COL26A1: variants seen among roughly 807,000 people sequenced by gnomAD.
The protein encoded by COL26A1 is collagen type XXVI alpha 1 chain.
Under a neutral mutation model 59.3 loss-of-function variants are expected in COL26A1, and 41 were observed. The ratio of observed to expected loss-of-function variants is 0.69; its 90% CI spans 0.54 to 0.90. COL26A1 has a LOEUF of 0.90. Ranked by LOEUF, COL26A1 falls within the 40% of genes least tolerant of loss-of-function variation. The pLI is 0.00. For synonymous variants in COL26A1, 266 were observed against 256.0 expected, an observed-to-expected ratio of 1.04 and a Z score of -0.37; for missense variants, 612 against 602.3, an observed-to-expected ratio of 1.02 and a Z score of -0.17.
chr7:101,489,792 T>TG lies in COL26A1; in HGVS notation c.385+42005_385+42006insG, dbSNP rs1392623756. 1.9e-3 allele frequency among the ~76,000 whole-genome samples: 4 copies of TG among 2,056 alleles called. 1 individual carries two copies. Among genetic ancestry groups the TG allele is most frequent in the Admixed American group, 6.0e-3 (1 of 166 alleles). The allele number at this position is 2,056 out of a possible 152,430, so 1.3% of individuals were successfully genotyped here. A position where few individuals can be genotyped will look rare whatever the true frequency, so the allele number is the denominator to read the frequency against. On this transcript the variant is annotated intron_variant, in intron 3 of 12. Transcript: ENST00000313669. ...TTTCTTTCTTTCTTTCTTTCTTTCTTTCTTTCTTTCTTTCTTTCTTTCTTT... is the reference window on the plus strand; with the variant it reads ...TTTCTTTCTTTCTTTCTTTCTTTCTTGTCTTTCTTTCTTTCTTTCTTTCTTT...
Position 101,471,571 on chromosome 7 carries a change from G to GTT in COL26A1, c.385+23809_385+23810dup, listed in dbSNP as rs71517177. On this transcript the variant is annotated intron_variant, in intron 3 of 12. Coordinates refer to ENST00000313669, the MANE Select transcript of COL26A1 (RefSeq NM_001278563.3). ...TGTTTTGTTGTTGTTGTTGTTGTTTGTTTTTTTTTTTTTTTTTTTTTTTTT... is the reference window on the plus strand; with the variant it reads ...TGTTTTGTTGTTGTTGTTGTTGTTTGTTTTTTTTTTTTTTTTTTTTTTTTTTT... 2.5e-3 allele frequency among the ~76,000 whole-genome samples: 231 copies of GTT among 92,992 alleles called. 24 individuals are homozygous for GTT. The highest frequency in any genetic ancestry group is 7.3e-3 in the African/African-American group (186 of 25,636). 61.0% of individuals were successfully genotyped at this position (92,992 alleles called of 152,430 possible). A position where few individuals can be genotyped will look rare whatever the true frequency, so the allele number is the denominator to read the frequency against.
intron 3 of COL26A1, among the ~76,000 whole-genome samples, chr7:101,495,215 T>G (rs569828034): frequency 1.6e-4 from 24 of 152,278 alleles, no homozygotes; most frequent in African/African-American, 5.8e-4. Context: ...TAGAGCTTTA[T>G]CTGCCTGAGG....
At chr7:101,366,496 TTTTTTTTTTTTTTTTTTTTTTA>T (rs1251137248) in intron 1 of COL26A1, among the ~76,000 whole-genome samples, 1,879 of 55,798 alleles carry the variant, frequency 0.034, 86 homozygotes, top group East Asian at 0.16. Flanking sequence ...TTTTTTTTTT[TTTTTTTTTTTTTTTTTTTTTTA>T]AAGACAGGGT....
intron 8 of COL26A1, among the ~76,000 whole-genome samples, chr7:101,547,792 CATTT>C (rs931542671): frequency 4.2e-4 from 61 of 145,314 alleles, no homozygotes; most frequent in African/African-American, 1.7e-3. Flanking sequence ...TTCATTCATT[CATTT>C]GTCCATTCAT....
chr7:101,463,869 TTTTCTTTC>T (rs566945352), intron 3 of COL26A1, among the ~76,000 whole-genome samples: 122 of 91,732 alleles, frequency 1.3e-3, no homozygotes, highest in Non-Finnish European at 1.8e-3. Flanking sequence ...CTCTTTTTTC[TTTTCTTTC>T]TTTCTTTCTT....
At chr7:101,460,845 G>A (rs1433908664) in intron 3 of COL26A1, among the ~76,000 whole-genome samples, 1 of 151,762 alleles carries the variant, frequency 6.6e-6, no homozygotes, top group Non-Finnish European at 1.5e-5. Flanking sequence ...TTCTTTTGCT[G>A]TTGGCTTTTC....
intron 3 of COL26A1, among the ~76,000 whole-genome samples, chr7:101,450,041 T>C (rs1267754147): frequency 1.3e-5 from 2 of 151,386 alleles, no homozygotes; most frequent in African/African-American, 4.9e-5. Flanking sequence ...GAAGAATCGC[T>C]TGAACCCAGG....
At chr7:101,487,034 C>T (rs936064463) in intron 3 of COL26A1, among the ~76,000 whole-genome samples, 2 of 152,016 alleles carry the variant, frequency 1.3e-5, no homozygotes, top group African/African-American at 2.4e-5. Context: ...TCCAGGCAGG[C>T]GTGGGAGGAG....
intron 6 of COL26A1, among the ~76,000 whole-genome samples, chr7:101,544,834 A>G (rs2130665565): frequency 6.6e-6 from 1 of 152,254 alleles, no homozygotes; most frequent in Admixed American, 6.5e-5. Flanking sequence ...CACCTGGCCA[A>G]AACAGGGTCT....
rs919895553 is a variant in COL26A1, at chr7:101,468,731, C to A, written c.385+20944C>A. ...GTGTCTTGAACATGTGCTGGGGAAA[C>A]TGTGGGAGGAGGGAGGGGGAGACGC... On this transcript the variant is annotated intron_variant, in intron 3 of 12. Transcript: ENST00000313669. Among the ~76,000 whole-genome samples the A allele has an allele frequency of 3.9e-5, 6 of 152,312 alleles. No homozygotes were observed. The East Asian group carries it at 1.2e-3, about 29-fold the overall frequency.
chr7:101,397,222 T>A (rs1398991199), intron 1 of COL26A1, among the ~76,000 whole-genome samples: 6 of 152,160 alleles, frequency 3.9e-5, no homozygotes, highest in Admixed American at 3.9e-4. Context: ...CTTTGTGTTG[T>A]CTGTGTCTTC....
intron 1 of COL26A1, among the ~76,000 whole-genome samples, chr7:101,401,564 G>T (rs1278800568): frequency 1.4e-5 from 2 of 143,588 alleles, no homozygotes; most frequent in East Asian, 4.4e-4. Context: ...GGAGGAAGAA[G>T]AGAAAGAGGA....
At chr7:101,452,704 T>C (rs1476107172) in intron 3 of COL26A1, among the ~76,000 whole-genome samples, 2 of 151,552 alleles carry the variant, frequency 1.3e-5, no homozygotes, top group East Asian at 3.9e-4. Flanking sequence ...ATGGTAAGTA[T>C]TTGTGTATAT....
At chr7:101,450,242 G>C (rs1228541014) in intron 3 of COL26A1, among the ~76,000 whole-genome samples, 1 of 152,068 alleles carries the variant, frequency 6.6e-6, no homozygotes, top group Non-Finnish European at 1.5e-5. Context: ...GTGGAGTTGT[G>C]GACAGCTGTA....
At chr7:101,490,012 C>G in intron 3 of COL26A1, among the ~76,000 whole-genome samples, 1 of 150,068 alleles carries the variant, frequency 6.7e-6, no homozygotes. Flanking sequence ...TCTCGGCTCA[C>G]TGCAACCTCC....
At chr7:101,447,599 A>G in intron 2 of COL26A1, 85 bp from the exon 3 acceptor site, 1 of 969,722 alleles carries the variant, frequency 1.0e-6, no homozygotes, top group East Asian at 2.7e-5. Context: ...GGCTGGGCAA[A>G]ACAGCCTGGC....
chr7:101,446,746 C>CTG (rs1392367793), intron 2 of COL26A1, among the ~76,000 whole-genome samples: 1 of 151,886 alleles, frequency 6.6e-6, no homozygotes, highest in African/African-American at 2.4e-5. Context: ...ACTCCGGAGG[C>CTG]TGAGGCAGGA....
chr7:101,509,654 G>A (rs1360507593), intron 3 of COL26A1, among the ~76,000 whole-genome samples: 1 of 151,998 alleles, frequency 6.6e-6, no homozygotes, highest in African/African-American at 2.4e-5. Flanking sequence ...GAATGGTCTA[G>A]GCCCGGCCAA....
intron 3 of COL26A1, among the ~76,000 whole-genome samples, chr7:101,485,138 C>T (rs1386612249): frequency 1.3e-5 from 2 of 152,206 alleles, no homozygotes; most frequent in African/African-American, 4.8e-5. Context: ...AGGCGTAAGC[C>T]ACCATGCCCG....
Sources: allele counts gnomAD v4.1 joint callset (sites outside exome capture counted in the v4.1 genomes callset), GRCh38; gene constraint gnomAD v4.1.1; transcripts MANE v1.5; gene names NCBI Gene and HGNC (gene_info 2026-07-23, HGNC 2026-07-21).